The following MTRF1 variants were observed in gnomAD, a reference collection of about 807,000 sequenced individuals.
MTRF1 encodes the protein peptide chain release factor 1, mitochondrial.
In MTRF1, 51 loss-of-function variants were observed where a neutral mutation model predicts 62.9. That is an observed-to-expected ratio of 0.81 (90% CI 0.65 to 1.02). MTRF1 has a LOEUF of 1.02. MTRF1 is among the 50% of genes least tolerant of loss of function. The pLI is 0.00. For missense variants in MTRF1, 446 were observed against 530.0 expected (o/e 0.84, Z 1.56); for synonymous variants, 158 against 181.9 (o/e 0.87, Z 1.06).
intron 7 of MTRF1, among the ~76,000 whole-genome samples, chr13:41,227,805 A>C (rs2034728127): frequency 6.6e-6 from 1 of 152,206 alleles, no homozygotes; most frequent in African/African-American, 2.4e-5. Flanking sequence ...TAAATAAGCT[A>C]CAGTCACTAC....
At chr13:41,311,691 C>T in the MTRF1 span, 3 of 1,012,812 alleles carry the variant, frequency 3.0e-6, no homozygotes, top group African/African-American at 1.7e-5. Context: ...CTCCGCTGCC[C>T]ACCGCTCTTT....
chr13:41,261,474 C>T (rs1239308716), intron 1 of MTRF1: 3 of 152,268 alleles, frequency 2.0e-5, no homozygotes, highest in Admixed American at 6.5e-5. Flanking sequence ...AGTAGGAGTA[C>T]AACTAACAAA....
At chr13:41,233,844 A>G in intron 7 of MTRF1, 46 bp downstream of exon 7, 1 of 1,429,228 alleles carries the variant, frequency 7.0e-7, no homozygotes, top group Non-Finnish European at 9.9e-7. Context: ...AATGCTGAGT[A>G]AGATGGAAAA....
At chr13:41,234,508 G>A (rs139080050) in intron 6 of MTRF1, among the ~76,000 whole-genome samples, 12 of 152,010 alleles carry the variant, frequency 7.9e-5, no homozygotes, top group African/African-American at 2.9e-4. Flanking sequence ...CACTGATTTA[G>A]GATGTTATGA....
chr13:41,219,049 G>T (rs1379091148), intron 9 of MTRF1, among the ~76,000 whole-genome samples: 1 of 152,148 alleles, frequency 6.6e-6, no homozygotes, highest in Non-Finnish European at 1.5e-5. Context: ...CCAGCATTTC[G>T]CAAGGCTGAC....
At chr13:41,254,729 C>G in intron 2 of MTRF1, 109 bp from the exon 3 acceptor site, 1 of 715,040 alleles carries the variant, frequency 1.4e-6, no homozygotes, top group South Asian at 1.9e-5. Context: ...GTTGCAAAGG[C>G]AAGGGATTAT....
At chr13:41,235,840 G>GAT in intron 6 of MTRF1, 1 of 112,862 alleles carries the variant, frequency 8.9e-6, no homozygotes. Context: ...CACAGACACA[G>GAT]ACACACACAC....
At chr13:41,275,913 G>A in the MTRF1 span, among the ~76,000 whole-genome samples, 2 of 152,062 alleles carry the variant, frequency 1.3e-5, no homozygotes, top group South Asian at 4.2e-4. Flanking sequence ...TCCTAAATGG[G>A]AAAAGGGTTA....
intron 2 of MTRF1, among the ~76,000 whole-genome samples, chr13:41,259,528 C>T (rs1248887729): frequency 6.6e-6 from 1 of 151,242 alleles, no homozygotes; most frequent in Non-Finnish European, 1.5e-5. Flanking sequence ...GGTGAAACCC[C>T]GTCTCTACTG....
At chr13:41,282,472 T>G in the MTRF1 span, among the ~76,000 whole-genome samples, 2 of 152,184 alleles carry the variant, frequency 1.3e-5, no homozygotes, top group African/African-American at 4.8e-5. Flanking sequence ...AAGTAATAAT[T>G]AACTGCCTGT....
chr13:41,234,826 C>G (rs948395637), intron 6 of MTRF1, among the ~76,000 whole-genome samples: 1 of 152,158 alleles, frequency 6.6e-6, no homozygotes, highest in Non-Finnish European at 1.5e-5. Flanking sequence ...CTTGTGGCAG[C>G]TCTCCTACAG....
chr13:41,309,711 A>C, the MTRF1 span, among the ~76,000 whole-genome samples: 1 of 152,210 alleles, frequency 6.6e-6, no homozygotes, highest in African/African-American at 2.4e-5. Flanking sequence ...AAGGAAAATC[A>C]AATAGGCAGG....
At chr13:41,240,212 A>C in intron 6 of MTRF1, 49 bp downstream of exon 6, 26 of 1,527,434 alleles carry the variant, frequency 1.7e-5, no homozygotes, top group Non-Finnish European at 2.1e-5. Flanking sequence ...CTTCCAGCAC[A>C]ATACCCGTTG....
chr13:41,218,865 T>G (rs1399706657), intron 9 of MTRF1, among the ~76,000 whole-genome samples: 1 of 152,174 alleles, frequency 6.6e-6, no homozygotes, highest in Non-Finnish European at 1.5e-5. Context: ...TTACTATTTC[T>G]GTATTCCCCA....
At chr13:41,311,185 G>A in the MTRF1 span, 3 of 438,688 alleles carry the variant, frequency 6.8e-6, no homozygotes, top group African/African-American at 6.3e-5. Flanking sequence ...CGCCCCCGTA[G>A]TCACCCGCAG....
chr13:41,219,342 A>C (rs2138632903), intron 9 of MTRF1, among the ~76,000 whole-genome samples: 1 of 152,198 alleles, frequency 6.6e-6, no homozygotes, highest in Non-Finnish European at 1.5e-5. Context: ...AGTATTGCCA[A>C]GGTAATCATC....
At chr13:41,300,064 AC>A in the MTRF1 span, among the ~76,000 whole-genome samples, 1 of 152,200 alleles carries the variant, frequency 6.6e-6, no homozygotes, top group East Asian at 1.9e-4. Context: ...AACTACTGGC[AC>A]CAGTTCTCTA....
chr13:41,220,496 T>G, intron 9 of MTRF1: 1 of 921,138 alleles, frequency 1.1e-6, no homozygotes, highest in Non-Finnish European at 1.5e-6. Context: ...TATATGGTAG[T>G]CTGTGCTTAT....
At chr13:41,260,369 C>A in intron 2 of MTRF1, 124 bp downstream of exon 2, 4 of 979,474 alleles carry the variant, frequency 4.1e-6, no homozygotes, top group Non-Finnish European at 5.8e-6. Flanking sequence ...AAAAAAAAAA[C>A]AAAGACTAAG....
Sources: allele counts gnomAD v4.1 joint callset (sites outside exome capture counted in the v4.1 genomes callset), GRCh38; gene constraint gnomAD v4.1.1; transcripts MANE v1.5; gene names NCBI Gene and HGNC (gene_info 2026-07-23, HGNC 2026-07-21).